Variants in NLGN1 observed in about 807,000 individuals in gnomAD.
NLGN1 encodes the protein neuroligin-1.
NLGN1 carries 12 observed loss-of-function variants against 65.5 expected under a neutral mutation model. The observed-to-expected ratio is 0.18, with a 90% CI of 0.12 to 0.30. The LOEUF (loss-of-function observed/expected upper bound fraction) is 0.30, where lower values mean the gene tolerates loss of function less well. NLGN1 is among the 10% of genes least tolerant of loss of function. NLGN1 has a pLI of 1.00. For missense variants in NLGN1, 750 were observed against 1,007.1 expected (o/e 0.74, Z 3.46); for synonymous variants, 350 against 359.5 (o/e 0.97, Z 0.30).
chr3:174,096,334 T>C (rs1745525393), intron 4 of NLGN1, among the ~76,000 whole-genome samples: 1 of 151,700 alleles, frequency 6.6e-6, no homozygotes, highest in African/African-American at 2.4e-5. Flanking sequence ...TGGTGACCCA[T>C]GAAGGGTTCT....
intron 4 of NLGN1, among the ~76,000 whole-genome samples, chr3:173,871,121 G>A (rs1731084234): frequency 6.6e-6 from 1 of 152,048 alleles, no homozygotes; most frequent in African/African-American, 2.4e-5. Flanking sequence ...TAAACTACAG[G>A]GTTCAGAGAG....
intron 4 of NLGN1, among the ~76,000 whole-genome samples, chr3:173,889,942 A>G (rs1735027985): frequency 6.6e-6 from 1 of 152,036 alleles, no homozygotes; most frequent in African/African-American, 2.4e-5. Context: ...GAACTGGTAG[A>G]GATTTTGCCA....
intron 3 of NLGN1, among the ~76,000 whole-genome samples, chr3:173,737,185 A>C (rs2150087694): frequency 6.6e-6 from 1 of 152,098 alleles, no homozygotes; most frequent in Admixed American, 6.6e-5. Context: ...ACACTAGACA[A>C]CGAAAGACAA....
intron 3 of NLGN1, among the ~76,000 whole-genome samples, chr3:173,645,675 T>G (rs1758137824): frequency 6.6e-6 from 1 of 152,222 alleles, no homozygotes; most frequent in African/African-American, 2.4e-5. Context: ...CTGGTTTATT[T>G]TCAAACTAAT....
intron 4 of NLGN1, among the ~76,000 whole-genome samples, chr3:173,956,726 C>CAACA (rs1338477261): frequency 1.6e-4 from 24 of 152,076 alleles, no homozygotes; most frequent in Admixed American, 3.9e-4. Flanking sequence ...TCAGTGTAAA[C>CAACA]GTTCTAAATA....
intron 4 of NLGN1, among the ~76,000 whole-genome samples, chr3:174,119,744 A>G (rs960986217): frequency 2.0e-5 from 3 of 152,192 alleles, no homozygotes; most frequent in African/African-American, 7.2e-5. Flanking sequence ...ATTTACCTCA[A>G]TCAGAATTTC....
At chr3:173,968,687 C>CTTTTTTTTTTTTTTTTTT (rs34662762) in intron 4 of NLGN1, among the ~76,000 whole-genome samples, 2 of 59,444 alleles carry the variant, frequency 3.4e-5, no homozygotes, top group African/African-American at 1.5e-4. Context: ...TGAAAATAAT[C>CTTTTTTTTTTTTTTTTTT]TTTTTTTTTT....
At chr3:174,115,826 G>C (rs1308030343) in intron 4 of NLGN1, among the ~76,000 whole-genome samples, 1 of 152,146 alleles carries the variant, frequency 6.6e-6, no homozygotes, top group Non-Finnish European at 1.5e-5. Flanking sequence ...ACTCCTCTGA[G>C]CTTTAATGCT....
rs562185283 is a variant in NLGN1 at position 173,842,604 on chromosome 3, A to G, written c.646+34772A>G. 2.1e-4 allele frequency among the ~76,000 whole-genome samples: 32 copies of G among 152,360 alleles called. No individual in the cohort carries two copies. The South Asian group carries it at 6.2e-3, about 30-fold the overall frequency. On this transcript the variant is annotated intron_variant, in intron 4 of 6. Coordinates refer to ENST00000457714, the Ensembl canonical transcript of NLGN1. ...AGGCTTCATGCAAGTCTGAAATCCA[A>G]CATGGCAGACAAATCTTAAAGCTCC...
At chr3:173,743,548 G>A (rs889481171) in intron 3 of NLGN1, among the ~76,000 whole-genome samples, 2 of 152,074 alleles carry the variant, frequency 1.3e-5, no homozygotes, top group African/African-American at 4.8e-5. Flanking sequence ...AATTTGAGAA[G>A]AAAAGAAAAA....
At chr3:173,698,151 C>T (rs1165986663) in intron 3 of NLGN1, among the ~76,000 whole-genome samples, 1 of 151,894 alleles carries the variant, frequency 6.6e-6, no homozygotes, top group Non-Finnish European at 1.5e-5. Context: ...TGTTCTGTTG[C>T]AGAAGATGTT....
intron 4 of NLGN1, among the ~76,000 whole-genome samples, chr3:174,034,825 T>C (rs778304654): frequency 6.6e-6 from 1 of 152,266 alleles, no homozygotes; most frequent in Non-Finnish European, 1.5e-5. Context: ...TAGGTAGATA[T>C]TAACTTGATA....
chr3:173,624,463 T>TG (rs1560069262), intron 3 of NLGN1, among the ~76,000 whole-genome samples: 1 of 152,252 alleles, frequency 6.6e-6, no homozygotes, highest in South Asian at 2.1e-4. Context: ...CTGTTTTCCC[T>TG]GTTTCCAAGA....
Position 173,971,700 on chromosome 3 carries a change from G to A in NLGN1, c.646+163868G>A, listed in dbSNP as rs180867031. On this transcript the variant is annotated intron_variant, in intron 4 of 6. Transcript: ENST00000457714. ...TCTTGGGCTTCCTCGGGACCATTACGTGGGTTCCTTGCAGTCACAAGGCAT... is the reference window on the plus strand; with the variant it reads ...TCTTGGGCTTCCTCGGGACCATTACATGGGTTCCTTGCAGTCACAAGGCAT... 1.6e-3 allele frequency among the ~76,000 whole-genome samples: 245 copies of A among 152,120 alleles called. 2 individuals are homozygous for A. Among genetic ancestry groups the A allele is most frequent in the Admixed American group, 2.7e-3 (41 of 15,242 alleles).
downstream of NLGN1, among the ~76,000 whole-genome samples, chr3:174,287,207 TATCTA>T (rs780850658): frequency 2.0e-5 from 3 of 151,552 alleles, no homozygotes; most frequent in Non-Finnish European, 4.4e-5. Flanking sequence ...GGTTTTGTAC[TATCTA>T]ATCAATAATG....
intron 3 of NLGN1, among the ~76,000 whole-genome samples, chr3:173,739,237 T>C (rs578210423): frequency 6.6e-6 from 1 of 152,178 alleles, no homozygotes; most frequent in Admixed American, 6.6e-5. Context: ...GACCACATTG[T>C]GGGGGCCAGA....
At chr3:174,189,408 C>T (rs1731978814) in intron 4 of NLGN1, among the ~76,000 whole-genome samples, 1 of 151,936 alleles carries the variant, frequency 6.6e-6, no homozygotes, top group Non-Finnish European at 1.5e-5. Context: ...ATAATGAATT[C>T]AACCACCAAC....
At position 174,279,009 on chromosome 3, in the gene NLGN1, G is replaced by C; in HGVS notation, c.1008G>C (p.Lys336Asn). ...TAGAGTTAGTGGAATGCCTACAGAAGAAGCCTTACAAAGAACTTGTTGACC... is the reference window on the plus strand; with the variant it reads ...TAGAGTTAGTGGAATGCCTACAGAACAAGCCTTACAAAGAACTTGTTGACC... The change falls in exon 6 of 7, where the codon AAG becomes AAC. Residue 336 changes from lysine (K) to asparagine (N), a missense_variant. By Grantham distance (94) the Lys-to-Asn change is moderately conservative (BLOSUM62 0). Coordinates refer to ENST00000457714, the Ensembl canonical transcript of NLGN1. The surrounding 1 kb of genome is among the most constrained non-coding windows in gnomAD (Gnocchi z 4.7). The C allele has an allele frequency of 6.2e-7, 1 of 1,600,470 alleles. No homozygotes were observed. The highest frequency in any genetic ancestry group is 1.1e-5 in the South Asian group (1 of 88,574).
chr3:173,892,200 T>A (rs1194221208), intron 4 of NLGN1, among the ~76,000 whole-genome samples: 1 of 151,138 alleles, frequency 6.6e-6, no homozygotes, highest in Non-Finnish European at 1.5e-5. Flanking sequence ...TGCATTTCCC[T>A]TATTTTTATG....
Sources: allele counts gnomAD v4.1 joint callset (sites outside exome capture counted in the v4.1 genomes callset), GRCh38; gene constraint gnomAD v4.1.1; non-coding constraint Gnocchi (gnomAD v3.1); transcripts MANE v1.5; gene names NCBI Gene and HGNC (gene_info 2026-07-23, HGNC 2026-07-21).